Variants in SLC35D4 observed in about 807,000 individuals in gnomAD.
The protein encoded by SLC35D4 is solute carrier family 35 member D4, also known as UDP-N-acetylglucosamine transporter SLC35D4.
At chr18:23,395,380 G>A in the SLC35D4 span, among the ~76,000 whole-genome samples, 1 of 152,074 alleles carries the variant, frequency 6.6e-6, no homozygotes, top group African/African-American at 2.4e-5. Context: ...TCCCCCTACC[G>A]CACACACAAT....
At chr18:23,421,339 G>A in the SLC35D4 span, 1 of 1,581,394 alleles carries the variant, frequency 6.3e-7, no homozygotes, top group South Asian at 1.1e-5. Context: ...TGTGAATCAT[G>A]CATGAGTCCA....
the SLC35D4 span, among the ~76,000 whole-genome samples, chr18:23,354,506 C>T: frequency 1.5e-5 from 2 of 137,826 alleles, no homozygotes; most frequent in Non-Finnish European, 1.5e-5. Flanking sequence ...GGCGACAGAG[C>T]GAGATTCCGT....
chr18:23,294,497 A>G, the SLC35D4 span, among the ~76,000 whole-genome samples: 1 of 152,220 alleles, frequency 6.6e-6, no homozygotes, highest in African/African-American at 2.4e-5. Flanking sequence ...ATACTGACAA[A>G]ACACCTTATC....
the SLC35D4 span, among the ~76,000 whole-genome samples, chr18:23,340,406 T>C: frequency 6.6e-6 from 1 of 152,042 alleles, no homozygotes; most frequent in Non-Finnish European, 1.5e-5. Context: ...CAGTACATTA[T>C]GACATAGTTT....
the SLC35D4 span, among the ~76,000 whole-genome samples, chr18:23,436,276 C>T: frequency 6.5e-4 from 98 of 151,878 alleles, no homozygotes; most frequent in Non-Finnish European, 1.1e-3. Flanking sequence ...AATCCACCCG[C>T]CTCGGCCTCC....
chr18:23,339,720 C>A, the SLC35D4 span, among the ~76,000 whole-genome samples: 6 of 152,176 alleles, frequency 3.9e-5, no homozygotes, highest in Non-Finnish European at 2.9e-5. Flanking sequence ...ACAGCCCCTG[C>A]AGATTCCGTG....
At chr18:23,294,767 G>A in the SLC35D4 span, among the ~76,000 whole-genome samples, 1 of 151,912 alleles carries the variant, frequency 6.6e-6, no homozygotes. Flanking sequence ...TCAAGCAAAC[G>A]AAACAAAACA....
At chr18:23,245,156 A>G in the SLC35D4 span, among the ~76,000 whole-genome samples, 1 of 152,180 alleles carries the variant, frequency 6.6e-6, no homozygotes, top group Non-Finnish European at 1.5e-5. Flanking sequence ...GCCCAAGTTC[A>G]GTTCCATGGA....
chr18:23,414,890 A>AC, the SLC35D4 span, among the ~76,000 whole-genome samples: 2 of 152,164 alleles, frequency 1.3e-5, no homozygotes, highest in East Asian at 1.9e-4. Flanking sequence ...CATCAGGAGG[A>AC]CTGCTTGAGG....
the SLC35D4 span, among the ~76,000 whole-genome samples, chr18:23,265,000 A>G: frequency 6.6e-6 from 1 of 151,818 alleles, no homozygotes. Context: ...TGAGGACAGC[A>G]CCAAGCTATT....
At chr18:23,372,909 GA>G in the SLC35D4 span, among the ~76,000 whole-genome samples, 1 of 139,016 alleles carries the variant, frequency 7.2e-6, no homozygotes, top group African/African-American at 2.6e-5. Context: ...AAAGGAGGGA[GA>G]AAAAAAGAAA....
chr18:23,351,304 G>A, the SLC35D4 span, among the ~76,000 whole-genome samples: 1 of 152,110 alleles, frequency 6.6e-6, no homozygotes, highest in Non-Finnish European at 1.5e-5. Context: ...CTACTTGGGA[G>A]GCTGAGTCAG....
chr18:23,284,845 G>A, the SLC35D4 span, among the ~76,000 whole-genome samples: 20 of 152,288 alleles, frequency 1.3e-4, no homozygotes, highest in Middle Eastern at 0.014. Context: ...ACTTGGTCCT[G>A]TCTACTCAGC....
At chr18:23,247,513 A>T in the SLC35D4 span, among the ~76,000 whole-genome samples, 1 of 152,292 alleles carries the variant, frequency 6.6e-6, no homozygotes, top group East Asian at 1.9e-4. Flanking sequence ...GCAGTTGTGT[A>T]TCCCATGCAG....
the SLC35D4 span, among the ~76,000 whole-genome samples, chr18:23,244,061 G>A: frequency 4.4e-3 from 664 of 152,196 alleles, 1 homozygote; most frequent in Non-Finnish European, 7.0e-3. Flanking sequence ...CAATCACTTC[G>A]TGATTTTGAA....
the SLC35D4 span, among the ~76,000 whole-genome samples, chr18:23,272,316 C>T: frequency 6.6e-6 from 1 of 152,066 alleles, no homozygotes; most frequent in African/African-American, 2.4e-5. Context: ...TCGGTCTCTT[C>T]CACCTGTAGT....
At chr18:23,285,321 C>T in the SLC35D4 span, among the ~76,000 whole-genome samples, 1 of 151,850 alleles carries the variant, frequency 6.6e-6, no homozygotes, top group African/African-American at 2.4e-5. Flanking sequence ...TCCATTCCTC[C>T]TTCTTCTCCC....
chr18:23,427,759 G>A, the SLC35D4 span, among the ~76,000 whole-genome samples: 174 of 152,220 alleles, frequency 1.1e-3, 1 homozygote, highest in African/African-American at 3.9e-3. Context: ...GCAAAGACTT[G>A]GAACCAACCC....
the SLC35D4 span, among the ~76,000 whole-genome samples, chr18:23,383,229 A>T: frequency 6.6e-6 from 1 of 152,124 alleles, no homozygotes. Flanking sequence ...GGTGGCTGGC[A>T]CAATGGGTGT....
Sources: gnomAD v4.1 joint callset for allele counts (sites outside exome capture counted in the v4.1 genomes callset) on GRCh38, gnomAD v4.1.1 for gene constraint, MANE v1.5 for transcripts, NCBI Gene and HGNC (gene_info 2026-07-23, HGNC 2026-07-21) for gene names.